The following GRID1 variants were observed in gnomAD, a reference collection of about 807,000 sequenced individuals.
The protein encoded by GRID1 is glutamate ionotropic receptor delta type subunit 1.
Under a neutral mutation model 98.0 loss-of-function variants are expected in GRID1, and 28 were observed. The observed-to-expected ratio is 0.29, with a 90% CI of 0.21 to 0.39. The LOEUF is 0.39. Among genes scored for constraint, GRID1 ranks in the 10% least tolerant of loss-of-function variants. The pLI is 1.00. For missense variants in GRID1, 1,111 were observed against 1,340.5 expected (o/e 0.83, Z 2.67); for synonymous variants, 553 against 538.5 (o/e 1.03, Z -0.37).
intron 2 of GRID1, among the ~76,000 whole-genome samples, chr10:86,272,539 C>T (rs1847201288): frequency 6.6e-6 from 1 of 152,150 alleles, no homozygotes; most frequent in Non-Finnish European, 1.5e-5. Context: ...ATTATTGTGA[C>T]TATCTGTTAT....
intron 2 of GRID1, among the ~76,000 whole-genome samples, chr10:86,297,142 T>A (rs559140173): frequency 6.6e-6 from 1 of 152,244 alleles, no homozygotes; most frequent in Non-Finnish European, 1.5e-5. Context: ...AGGAATTATA[T>A]AAAGTTATTC....
At chr10:86,093,355 A>G (rs1372903733) in intron 4 of GRID1, among the ~76,000 whole-genome samples, 1 of 152,028 alleles carries the variant, frequency 6.6e-6, no homozygotes, top group African/African-American at 2.4e-5. Context: ...CAGAAAGAAA[A>G]TAACCAAGAT....
intron 2 of GRID1, among the ~76,000 whole-genome samples, chr10:86,274,080 A>G (rs1192128710): frequency 1.3e-5 from 2 of 152,090 alleles, no homozygotes; most frequent in Non-Finnish European, 2.9e-5. Context: ...ATCTTGAATT[A>G]ATTTTTGTAT....
At chr10:86,265,600 T>G (rs1196994626) in intron 2 of GRID1, among the ~76,000 whole-genome samples, 2 of 152,114 alleles carry the variant, frequency 1.3e-5, no homozygotes, top group Admixed American at 6.5e-5. Flanking sequence ...ACCCCATGAG[T>G]AAAATCAGAC....
intron 4 of GRID1, among the ~76,000 whole-genome samples, chr10:86,083,334 C>T (rs1844004179): frequency 6.6e-6 from 1 of 152,170 alleles, no homozygotes; most frequent in Non-Finnish European, 1.5e-5. Flanking sequence ...AGCTCCATGC[C>T]ATCGTTTCCA....
In GRID1 at chr10:85,771,141, A is replaced by G. The variant is rs186854548; in HGVS notation, c.1234-41527T>C. Among the ~76,000 whole-genome samples, 419 of 152,384 alleles carry G rather than the reference A, an allele frequency of 2.7e-3. 1 individual carries two copies. The highest frequency in any genetic ancestry group is 5.1e-3 in the Non-Finnish European group (345 of 68,040). On this transcript the variant is annotated intron_variant, in intron 8 of 15. Coordinates refer to ENST00000327946, the MANE Select transcript of GRID1 (RefSeq NM_017551.3). ...CGGATCTCTCGGCAGAAACTCTACA[A>G]GCCAGAAGAGAGTGGGGGCCAATAT...
At chr10:85,841,650 T>G (rs1265531849) in intron 8 of GRID1, among the ~76,000 whole-genome samples, 1 of 150,292 alleles carries the variant, frequency 6.7e-6, no homozygotes, top group Non-Finnish European at 1.5e-5. Context: ...AAGAAAACAT[T>G]AAAAAGTGGG....
At chr10:86,284,219 C>T (rs1232414738) in intron 2 of GRID1, among the ~76,000 whole-genome samples, 1 of 152,142 alleles carries the variant, frequency 6.6e-6, no homozygotes, top group Middle Eastern at 3.4e-3. Context: ...TGCATATATA[C>T]ACCTGTCTTC....
intron 8 of GRID1, among the ~76,000 whole-genome samples, chr10:85,822,125 G>A (rs1842778407): frequency 6.6e-6 from 1 of 152,064 alleles, no homozygotes; most frequent in Non-Finnish European, 1.5e-5. Context: ...ACATAGGCAT[G>A]GGCAAGGACT....
intron 4 of GRID1, among the ~76,000 whole-genome samples, chr10:86,066,460 A>G (rs563094563): frequency 8.8e-4 from 134 of 152,300 alleles, no homozygotes; most frequent in Non-Finnish European, 1.9e-4. Context: ...CCCATTTTCC[A>G]GATGAGGAGA....
At chr10:85,859,346 GGGAT>G (rs548270166) in intron 6 of GRID1, among the ~76,000 whole-genome samples, 12 of 151,820 alleles carry the variant, frequency 7.9e-5, no homozygotes, top group South Asian at 4.2e-4. Flanking sequence ...AATGGATGGA[GGGAT>G]GGATGGATGG....
chr10:86,258,420 T>C (rs1564721517), intron 2 of GRID1, among the ~76,000 whole-genome samples: 1 of 152,226 alleles, frequency 6.6e-6, no homozygotes, highest in Non-Finnish European at 1.5e-5. Context: ...TAAGATATGC[T>C]ACTGTAACAA....
chr10:86,053,440 C>T (rs1298270026), intron 4 of GRID1, among the ~76,000 whole-genome samples: 1 of 151,944 alleles, frequency 6.6e-6, no homozygotes, highest in East Asian at 1.9e-4. Flanking sequence ...TCACTGCAAC[C>T]TCCGCCTCCC....
chr10:85,820,047 C>A (rs191404536), intron 8 of GRID1, among the ~76,000 whole-genome samples: 1,643 of 108,014 alleles, frequency 0.015, 17 homozygotes, highest in East Asian at 0.027. Flanking sequence ...GGCAGGCAGG[C>A]AGGCAGGCAG....
At position 86,206,248 on chromosome 10, in the gene GRID1, G is replaced by A; in HGVS notation, c.520+116C>T. 3.5e-6 allele frequency: 3 copies of A among 860,188 alleles called. No individual in the cohort carries two copies. The highest frequency in any genetic ancestry group is 5.3e-6 in the Non-Finnish European group (3 of 570,624). The allele number at this position is 860,188 out of a possible 1,614,324, so 53.3% of individuals were successfully genotyped here. A position where few individuals can be genotyped will look rare whatever the true frequency, so the allele number is the denominator to read the frequency against. ...CGAGGTTTGACCCTATCACCTGGAG[G>A]CCCACTCAGCACAGACCACCCCTGA... On this transcript the variant is annotated intron_variant, in intron 3 of 15. Coordinates refer to ENST00000327946, the MANE Select transcript of GRID1 (RefSeq NM_017551.3). The surrounding 1 kb of genome is among the most constrained non-coding windows in gnomAD (Gnocchi z 4.1).
chr10:86,358,732 T>C (rs1848564979), intron 2 of GRID1, among the ~76,000 whole-genome samples: 1 of 151,822 alleles, frequency 6.6e-6, no homozygotes, highest in Non-Finnish European at 1.5e-5. Context: ...CACTCCAACC[T>C]GGGTGACAGA....
chr10:86,342,154 G>A (rs1446139599), intron 2 of GRID1, among the ~76,000 whole-genome samples: 1 of 152,132 alleles, frequency 6.6e-6, no homozygotes, highest in Admixed American at 6.5e-5. Context: ...TCAGTCAGTG[G>A]GGGCTCCAAA....
At chr10:85,654,945 G>A (rs1023550622) in intron 12 of GRID1, among the ~76,000 whole-genome samples, 2 of 152,222 alleles carry the variant, frequency 1.3e-5, no homozygotes, top group African/African-American at 4.8e-5. Context: ...TCAGTAATAG[G>A]AGCTGTGAAA....
chr10:85,720,930 G>A (rs1468589825), intron 12 of GRID1, among the ~76,000 whole-genome samples: 2 of 152,158 alleles, frequency 1.3e-5, no homozygotes, highest in Non-Finnish European at 2.9e-5. Flanking sequence ...AAGCTATAGA[G>A]TGGCAGCAAA....
Sources: gnomAD v4.1 joint callset for allele counts (sites outside exome capture counted in the v4.1 genomes callset) on GRCh38, gnomAD v4.1.1 for gene constraint, Gnocchi (gnomAD v3.1) non-coding constraint, MANE v1.5 for transcripts, NCBI Gene and HGNC (gene_info 2026-07-23, HGNC 2026-07-21) for gene names.